Variants in PSD observed in about 807,000 individuals in gnomAD.
PSD encodes PH and SEC7 domain-containing protein 1.
PSD carries 32 observed loss-of-function variants against 91.6 expected under a neutral mutation model. The observed-to-expected ratio is 0.35, with a 90% CI of 0.26 to 0.47. PSD has a LOEUF of 0.47. Ranked by LOEUF, PSD falls within the 20% of genes least tolerant of loss-of-function variation. The probability of loss-of-function intolerance (pLI) is 1.00; values close to 1 mark genes in which losing one functional copy is unlikely to be tolerated. For missense variants in PSD, 1,099 were observed against 1,373.9 expected (o/e 0.80, Z 3.16); for synonymous variants, 532 against 569.3 (o/e 0.93, Z 0.93).
At position 102,410,767 on chromosome 10, in the gene PSD, AGCCCT is replaced by A. The variant is rs201327357; in HGVS notation, c.2091+86_2091+90del. The stretch of plus-strand genomic sequence containing the variant: ...CAGGAGCCGGGGGTCGGCAAGCCCC[AGCCCT>A]GCCCTCCCTCCGACTCTGGACTCCG... On this transcript the variant is annotated intron_variant, in intron 10 of 16. Transcript: ENST00000020673. This position sits in a 1 kb window ranked among gnomAD's most constrained non-coding sequence, Gnocchi z 6.0. The A allele has an allele frequency of 0.024, 18,484 of 759,260 alleles. 311 individuals carry two copies. Among genetic ancestry groups the A allele is most frequent in the Non-Finnish European group, 0.032 (14,011 of 444,142 alleles). 47.0% of individuals were successfully genotyped at this position (759,260 alleles called of 1,614,324 possible).
Position 102,414,020 on chromosome 10 carries a change from T to C in PSD, c.1302A>G (p.Pro434=). Residue 434 remains proline, a synonymous_variant, in exon 5 of 17, where the codon CCA becomes CCG. Transcript: ENST00000020673. This position sits in a 1 kb window ranked among gnomAD's most constrained non-coding sequence, Gnocchi z 5.6. ...ASLEALASPG[P]TQSPFFTFEL... The stretch of plus-strand genomic sequence containing the variant: ...CAAAGGTGAAGAAGGGGCTCTGGGT[T>C]GGGCCAGGTGAGGCCAAGGCCTCCA... The C allele has an allele frequency of 6.2e-7, 1 of 1,613,996 alleles. No homozygotes were observed. Among genetic ancestry groups the C allele is most frequent in the Non-Finnish European group, 8.5e-7 (1 of 1,179,868 alleles).
Position 102,409,669 on chromosome 10 carries a change from C to G in PSD, c.2091+1189G>C, listed in dbSNP as rs541713762. Among the ~76,000 whole-genome samples, 2 of 152,136 alleles carry G rather than the reference C, an allele frequency of 1.3e-5. No homozygotes were observed. Among genetic ancestry groups the G allele is most frequent in the Non-Finnish European group, 2.9e-5 (2 of 68,014 alleles). On this transcript the variant is annotated intron_variant, in intron 10 of 16. Transcript: ENST00000020673. The surrounding 1 kb of genome is among the most constrained non-coding windows in gnomAD (Gnocchi z 5.7). The stretch of plus-strand genomic sequence containing the variant: ...GCAGATACCCCACCCATATATAGAT[C>G]TGAAGTCACGTAACACACCTCGATT...
chr10:102,416,114 AT>A lies in PSD; in HGVS notation c.659del (p.Asp220ValfsTer74), dbSNP rs1462645396. On this transcript the variant is annotated frameshift_variant, in exon 3 of 17. Transcript: ENST00000020673. LOFTEE classifies it high-confidence loss of function. The surrounding 1 kb of genome is among the most constrained non-coding windows in gnomAD (Gnocchi z 6.0). ...AGACTTCCCGGGGGGAGGACCAGGTATCCCCCTGAGCCAACGAGGGAGACAC... is the reference window on the plus strand; with the variant it reads ...AGACTTCCCGGGGGGAGGACCAGGTACCCCCTGAGCCAACGAGGGAGACAC... ...PADTGFLNQG[D>X]TWSSPREVSS... is the part of the protein sequence containing the mutation. 6.2e-7 allele frequency: 1 copy of A among 1,611,422 alleles called. No individual in the cohort carries two copies. The highest frequency in any genetic ancestry group is 8.5e-7 in the Non-Finnish European group (1 of 1,177,910).
intron 11 of PSD, among the ~76,000 whole-genome samples, chr10:102,406,547 A>G (rs957061123): frequency 1.9e-4 from 26 of 138,862 alleles, no homozygotes; most frequent in East Asian, 6.2e-4. Context: ...TCTCTCTGTC[A>G]CCCAGGCTGG....
chr10:102,403,573 C>G lies in PSD; in HGVS notation c.2845-143G>C. The G allele has an allele frequency of 1.1e-6, 1 of 887,450 alleles. No homozygotes were observed. Among genetic ancestry groups the G allele is most frequent in the African/African-American group, 1.7e-5 (1 of 59,450 alleles). The allele number at this position is 887,450 out of a possible 1,614,324, so 55.0% of individuals were successfully genotyped here. The stretch of plus-strand genomic sequence containing the variant: ...TGAGATGGTCCCATGCGGGCTGGTG[C>G]CCCCTCTGGGCTCTCCTGGGACCAT... On this transcript the variant is annotated intron_variant, in intron 16 of 16. Coordinates refer to ENST00000020673, the MANE Select transcript of PSD (RefSeq NM_002779.5). This position sits in a 1 kb window ranked among gnomAD's most constrained non-coding sequence, Gnocchi z 6.7.
chr10:102,419,828 C>T, upstream of PSD: 1 of 199,162 alleles, frequency 5.0e-6, no homozygotes, highest in South Asian at 5.3e-5. The surrounding 1 kb of genome is among the most constrained non-coding windows in gnomAD (Gnocchi z 4.8). Flanking sequence ...CTCCCAGCTA[C>T]CCCCTCCCTA....
rs1362422925 is a variant in PSD, at chr10:102,414,761, C to T, written c.1124+102G>A. ...CACACTGCCCCGCCAGCCCCACACC[C>T]ATCTCTATCCCAGGCCCTTTGAGCC... On this transcript the variant is annotated intron_variant, in intron 4 of 16. Coordinates refer to ENST00000020673, the MANE Select transcript of PSD (RefSeq NM_002779.5). The surrounding 1 kb of genome is among the most constrained non-coding windows in gnomAD (Gnocchi z 5.6). The T allele has an allele frequency of 3.5e-6, 5 of 1,419,290 alleles. No homozygotes were observed. The highest frequency in any genetic ancestry group is 4.7e-6 in the Non-Finnish European group (5 of 1,073,176). The allele number at this position is 1,419,290 out of a possible 1,614,324, so 87.9% of individuals were successfully genotyped here.
intron 5 of PSD, 26 bp from the exon 6 acceptor site, chr10:102,412,601 G>T (rs752180441): frequency 1.9e-6 from 3 of 1,592,052 alleles, no homozygotes; most frequent in Non-Finnish European, 2.6e-6. Context: ...ACCAGCTCAG[G>T]CTGGGGCAGG....
At position 102,405,249 on chromosome 10, in the gene PSD, A is replaced by G. The variant is rs1264105930; in HGVS notation, c.2331T>C (p.Pro777=). ...AGCTCTTCCAGCCCCGCTTGCCCCGAGGTGCTGCGGGGAGAGAAGACAGGT... is the reference window on the plus strand; with the variant it reads ...AGCTCTTCCAGCCCCGCTTGCCCCGGGGTGCTGCGGGGAGAGAAGACAGGT... ...VHADPDCRKT[P]RGKRGWKSFH... The change falls in exon 13 of 17, where the codon CCT becomes CCC. Residue 777 remains proline, a synonymous_variant. Coordinates refer to ENST00000020673, the MANE Select transcript of PSD (RefSeq NM_002779.5). This position sits in a 1 kb window ranked among gnomAD's most constrained non-coding sequence, Gnocchi z 5.4. 6.2e-7 allele frequency: 1 copy of G among 1,610,458 alleles called. No homozygotes were observed. Among genetic ancestry groups the G allele is most frequent in the African/African-American group, 1.3e-5 (1 of 74,842 alleles).
Position 102,403,762 on chromosome 10 carries a change from G to C in PSD, c.2844+80C>G. The C allele has an allele frequency of 6.0e-6, 9 of 1,504,858 alleles. No individual in the cohort carries two copies. The highest frequency in any genetic ancestry group is 1.3e-5 in the South Asian group (1 of 76,906). The allele number at this position is 1,504,858 out of a possible 1,614,324, so 93.2% of individuals were successfully genotyped here. ...GCAACCTGCCCAAGGACCTCCGGCCGGTTCCACTGTTAGAGTTCATGCCCT... is the reference window on the plus strand; with the variant it reads ...GCAACCTGCCCAAGGACCTCCGGCCCGTTCCACTGTTAGAGTTCATGCCCT... On this transcript the variant is annotated intron_variant, in intron 16 of 16. Transcript: ENST00000020673. The surrounding 1 kb of genome is among the most constrained non-coding windows in gnomAD (Gnocchi z 6.7).
chr10:102,414,001 TGAA>T lies in PSD; in HGVS notation c.1318_1320del (p.Phe440del), dbSNP rs1281699425. 8 of 1,613,424 alleles carry T rather than the reference TGAA, an allele frequency of 5.0e-6. No homozygotes were observed. ...GGGGGTTGGGGAGGCAGCTCAAAGG[TGAA>T]GAAGGGGCTCTGGGTTGGGCCAGGT... On this transcript the variant is annotated inframe_deletion, in exon 5 of 17. Coordinates refer to ENST00000020673, the MANE Select transcript of PSD (RefSeq NM_002779.5). The surrounding 1 kb of genome is among the most constrained non-coding windows in gnomAD (Gnocchi z 5.6).
In PSD at chr10:102,411,725, C is replaced by T; in HGVS notation, c.1924G>A (p.Glu642Lys). The change falls in exon 8 of 17, where the codon GAA (glutamate) becomes AAA (lysine). Residue 642 changes from glutamate (E) to lysine (K), a missense_variant. Physicochemically the swap from Glu to Lys is moderately conservative, Grantham distance 56. Transcript: ENST00000020673. ...FSQRYFQCNP[E>K]ALSSEDGAHT... The stretch of plus-strand genomic sequence containing the variant: ...TCCTCACCCTCTGAGGACAGGGCTT[C>T]AGGATTGCACTGGAAGTATCGCTGG... 6.2e-7 allele frequency: 1 copy of T among 1,613,384 alleles called. No individual in the cohort carries two copies. The highest frequency in any genetic ancestry group is 1.7e-4 in the Middle Eastern group (1 of 6,060).
At chr10:102,418,955 C>A, upstream of PSD, 1 of 344,802 alleles carries the variant, frequency 2.9e-6, no homozygotes, top group Non-Finnish European at 5.8e-6. Context: ...TAAGACCCGC[C>A]CCAGACAAGG....
intron 7 of PSD, 144 bp from the exon 8 acceptor site, chr10:102,411,963 C>CCCCT: frequency 1.1e-6 from 1 of 910,784 alleles, no homozygotes; most frequent in South Asian, 1.4e-5. Context: ...CCTGACCCTC[C>CCCCT]ACCCATCACC....
At chr10:102,407,141 C>T (rs1415428681) in intron 11 of PSD, 82 bp downstream of exon 11, 1 of 1,266,894 alleles carries the variant, frequency 7.9e-7, no homozygotes, top group East Asian at 2.8e-5. Context: ...CCACCCAGGG[C>T]CTACCCCAGC....
intron 10 of PSD, among the ~76,000 whole-genome samples, chr10:102,408,458 G>C (rs972440028): frequency 6.6e-6 from 1 of 151,360 alleles, no homozygotes; most frequent in African/African-American, 2.4e-5. Context: ...TCAACACATA[G>C]ACCTTCCAGC....
Position 102,409,421 on chromosome 10 carries a change from T to A in PSD, c.2091+1437A>T. ...GGGGAGGAGCCTGGGGAGGCCAGCG[T>A]GGGTGGCAGCTCCAGGGAGGCTGAG... On this transcript the variant is annotated intron_variant, in intron 10 of 16. Coordinates refer to ENST00000020673, the MANE Select transcript of PSD (RefSeq NM_002779.5). The surrounding 1 kb of genome is among the most constrained non-coding windows in gnomAD (Gnocchi z 5.7). 1 of 867,396 alleles carries A rather than the reference T, an allele frequency of 1.2e-6. No homozygotes were observed. The highest frequency in any genetic ancestry group is 1.4e-6 in the Non-Finnish European group (1 of 722,344). The allele number at this position is 867,396 out of a possible 1,614,324, so 53.7% of individuals were successfully genotyped here.
chr10:102,407,271 G>C lies in PSD; in HGVS notation c.2092-5C>G, dbSNP rs1211433739. The C allele has an allele frequency of 1.9e-6, 3 of 1,581,234 alleles. No individual in the cohort carries two copies. The highest frequency in any genetic ancestry group is 2.6e-6 in the Non-Finnish European group (3 of 1,163,344). On this transcript the variant is annotated splice_region_variant and splice_polypyrimidine_tract_variant and intron_variant, in intron 10 of 16. Transcript: ENST00000020673. ...CTTGATGGAGCTGTACAAGGCCTGG[G>C]GGGTGGGGGGAACAAATTAGGGGGT...
chr10:102,414,336 C>T lies in PSD; in HGVS notation c.1125-139G>A. ...GCTCCAGCCCACTAACAAAAAAGAGCCTCTAGGGTAGGGCGCCAAGCTATT... is the reference window on the plus strand; with the variant it reads ...GCTCCAGCCCACTAACAAAAAAGAGTCTCTAGGGTAGGGCGCCAAGCTATT... On this transcript the variant is annotated intron_variant, in intron 4 of 16. Coordinates refer to ENST00000020673, the MANE Select transcript of PSD (RefSeq NM_002779.5). This position sits in a 1 kb window ranked among gnomAD's most constrained non-coding sequence, Gnocchi z 5.6. 1 of 886,448 alleles carries T rather than the reference C, an allele frequency of 1.1e-6. No individual in the cohort carries two copies. Among genetic ancestry groups the T allele is most frequent in the Non-Finnish European group, 1.7e-6 (1 of 592,782 alleles). The allele number at this position is 886,448 out of a possible 1,614,324, so 54.9% of individuals were successfully genotyped here.
Sources: gnomAD v4.1 joint callset for allele counts (sites outside exome capture counted in the v4.1 genomes callset) on GRCh38, gnomAD v4.1.1 for gene constraint, Gnocchi (gnomAD v3.1) non-coding constraint, MANE v1.5 for transcripts, NCBI Gene and HGNC (gene_info 2026-07-23, HGNC 2026-07-21) for gene names.